UNC79: variants seen among roughly 807,000 people sequenced by gnomAD.
UNC79 encodes unc-79 subunit of NALCN channel complex, also known as protein unc-79 homolog.
In UNC79, 37 loss-of-function variants were observed where a neutral mutation model predicts 283.1. That is an observed-to-expected ratio of 0.13 (90% CI 0.10 to 0.17). UNC79 has a LOEUF of 0.17. UNC79 is among the 10% of genes least tolerant of loss of function. UNC79 has a pLI of 1.00. For synonymous variants in UNC79, 1,107 were observed against 1,200.2 expected (o/e 0.92, Z 1.61); for missense variants, 2,272 against 3,211.1 (o/e 0.71, Z 7.07).
chr14:93,477,170 G>A (rs2057851061), intron 3 of UNC79, among the ~76,000 whole-genome samples: 1 of 152,156 alleles, frequency 6.6e-6, no homozygotes, highest in Non-Finnish European at 1.5e-5. Context: ...GATTGATGGA[G>A]CAGAAATAGC....
chr14:93,565,539 A>G (rs2062824068), intron 14 of UNC79, among the ~76,000 whole-genome samples: 1 of 152,192 alleles, frequency 6.6e-6, no homozygotes, highest in Non-Finnish European at 1.5e-5. Context: ...TTACAGGTCG[A>G]AGTGTATTCA....
chr14:93,483,314 T>A (rs545847378), intron 4 of UNC79, among the ~76,000 whole-genome samples: 97 of 152,296 alleles, frequency 6.4e-4, no homozygotes, highest in Non-Finnish European at 1.1e-3. Context: ...CATAAAAACA[T>A]TAAAAATTTT....
At chr14:93,469,915 T>C (rs1435983729) in intron 2 of UNC79, among the ~76,000 whole-genome samples, 1 of 152,078 alleles carries the variant, frequency 6.6e-6, no homozygotes, top group Non-Finnish European at 1.5e-5. Context: ...CAAAGACAAA[T>C]AATATGGTCT....
rs1245173696 is a variant in UNC79, at chr14:93,499,544, T to G, written c.898+2258T>G. On this transcript the variant is annotated intron_variant, in intron 7 of 48. Coordinates refer to ENST00000555664, the Ensembl canonical transcript of UNC79. ...CAATCTAGACATGGAAATCCATTCA[T>G]TTTATTGAACAAATAATTATGGAGT... 2.0e-5 allele frequency among the ~76,000 whole-genome samples: 3 copies of G among 152,210 alleles called. No individual in the cohort carries two copies. The East Asian group carries it at 5.8e-4, about 29-fold the overall frequency.
chr14:93,618,092 T>A (rs2066862400), intron 28 of UNC79, 100 bp from the exon 30 acceptor site: 1 of 1,253,376 alleles, frequency 8.0e-7, no homozygotes, highest in Admixed American at 2.4e-5. Context: ...TATATATTTA[T>A]CCCCAAGAGA....
chr14:93,439,827 A>C lies in UNC79; in HGVS notation c.22+8776A>C, dbSNP rs181195630. 3.6e-3 allele frequency among the ~76,000 whole-genome samples: 543 copies of C among 152,106 alleles called. 5 individuals are homozygous for C. Among genetic ancestry groups the C allele is most frequent in the African/African-American group, 0.013 (521 of 41,496 alleles). On this transcript the variant is annotated intron_variant, in intron 1 of 48. Coordinates refer to ENST00000555664, the Ensembl canonical transcript of UNC79. The stretch of plus-strand genomic sequence containing the variant: ...GTTTCTACTGGGGTCAATTTTGGTA[A>C]GTTTTATTTCTCTAAAAAATTATGC...
At chr14:93,677,226 A>G (rs2073418389) in intron 41 of UNC79, among the ~76,000 whole-genome samples, 1 of 152,188 alleles carries the variant, frequency 6.6e-6, no homozygotes, top group Non-Finnish European at 1.5e-5. Context: ...GGTCCTGCCT[A>G]AGTCATGGAG....
At chr14:93,528,753 C>A in intron 9 of UNC79, 107 bp downstream of exon 9, 1 of 1,044,988 alleles carries the variant, frequency 9.6e-7, no homozygotes, top group South Asian at 1.5e-5. Flanking sequence ...TCTCTAGCCT[C>A]TCTGATTTTT....
intron 1 of UNC79, among the ~76,000 whole-genome samples, chr14:93,425,231 G>A (rs961402088): frequency 6.6e-6 from 1 of 152,106 alleles, no homozygotes; most frequent in African/African-American, 2.4e-5. Flanking sequence ...TGAGCAAAAG[G>A]GGGAAAAGCC....
At chr14:93,598,387 T>A (rs1034910751) in intron 24 of UNC79, among the ~76,000 whole-genome samples, 5 of 151,684 alleles carry the variant, frequency 3.3e-5, no homozygotes, top group African/African-American at 1.2e-4. Flanking sequence ...TGTGTGTGTG[T>A]GTGTGTGTGT....
At chr14:93,586,622 T>C (rs1168941606) in exon 21 of UNC79, 8 of 1,613,690 alleles carry the variant, frequency 5.0e-6, no homozygotes, top group South Asian at 1.1e-5. Flanking sequence ...CGAAAGAAAA[T>C]TTTGCTACCA....
chr14:93,646,256 T>C (rs537660430), intron 34 of UNC79, among the ~76,000 whole-genome samples: 14 of 152,318 alleles, frequency 9.2e-5, no homozygotes, highest in Admixed American at 2.6e-4. Context: ...TTTCAGAGGT[T>C]ATATACAAAG....
intron 1 of UNC79, among the ~76,000 whole-genome samples, chr14:93,454,056 T>C (rs534684252): frequency 1.3e-5 from 2 of 152,044 alleles, no homozygotes; most frequent in Admixed American, 6.5e-5. Flanking sequence ...ATCTTTTTTT[T>C]TTTTTTTGAG....
chr14:93,497,056 A>G (rs6575337), intron 6 of UNC79, 101 bp from the exon 7 acceptor site: 428,838 of 1,338,088 alleles, frequency 0.32, 72,309 homozygotes, highest in East Asian at 0.65. Context: ...ACTCACCTCA[A>G]TCCCTCCATT....
chr14:93,501,967 T>C (rs1194191501), intron 7 of UNC79, among the ~76,000 whole-genome samples: 1 of 152,250 alleles, frequency 6.6e-6, no homozygotes, highest in Non-Finnish European at 1.5e-5. Context: ...GTAGGAATTA[T>C]ATATTATTTT....
At chr14:93,352,210 A>C (rs1331305509) in intron 1 of UNC79, among the ~76,000 whole-genome samples, 2 of 152,198 alleles carry the variant, frequency 1.3e-5, no homozygotes, top group African/African-American at 4.8e-5. Context: ...GTGAACTCCC[A>C]TCGGGACACA....
intron 41 of UNC79, among the ~76,000 whole-genome samples, chr14:93,674,442 A>G (rs930485028): frequency 3.3e-5 from 5 of 152,182 alleles, no homozygotes; most frequent in Non-Finnish European, 7.4e-5. Context: ...GGTTCAGGTA[A>G]CCTGGCACCC....
chr14:93,657,491 A>G (rs569464664), intron 38 of UNC79, among the ~76,000 whole-genome samples: 3 of 148,734 alleles, frequency 2.0e-5, no homozygotes, highest in Non-Finnish European at 4.5e-5. Context: ...AGCTGGGACT[A>G]CAGGCGCCCA....
At chr14:93,637,422 C>A in intron 32 of UNC79, 123 bp downstream of exon 35, 1 of 1,469,122 alleles carries the variant, frequency 6.8e-7, no homozygotes, top group Admixed American at 2.7e-5. Context: ...ATGACCTTTG[C>A]CCAAACACCC....
Sources: gnomAD v4.1 joint callset for allele counts (sites outside exome capture counted in the v4.1 genomes callset) on GRCh38, gnomAD v4.1.1 for gene constraint, MANE v1.5 for transcripts, NCBI Gene and HGNC (gene_info 2026-07-23, HGNC 2026-07-21) for gene names.